The following SMURF1 variants were observed in gnomAD, a reference collection of about 807,000 sequenced individuals.
SMURF1 encodes SMAD specific E3 ubiquitin protein ligase 1.
In SMURF1, 44 loss-of-function variants were observed where a neutral mutation model predicts 98.0. That is an observed-to-expected ratio of 0.45 (90% confidence interval 0.35 to 0.58). The LOEUF is 0.58. SMURF1 is among the 20% of genes least tolerant of loss of function. The pLI is 0.00. For missense variants in SMURF1, 687 were observed against 938.4 expected (o/e 0.73, Z 3.50); for synonymous variants, 396 against 374.9 (o/e 1.06, Z -0.65).
At chr7:99,105,946 C>T (rs1797185524) in intron 1 of SMURF1, among the ~76,000 whole-genome samples, 1 of 152,166 alleles carries the variant, frequency 6.6e-6, no homozygotes, top group Non-Finnish European at 1.5e-5. Context: ...TTAAAATGCC[C>T]TCCCAATCCG....
chr7:99,041,840 A>T (rs1447367861), intron 12 of SMURF1, among the ~76,000 whole-genome samples: 1 of 152,262 alleles, frequency 6.6e-6, no homozygotes, highest in Non-Finnish European at 1.5e-5. Context: ...TCATCACACC[A>T]GAGTTCCCTC....
chr7:99,143,584 G>A, intron 1 of SMURF1, 142 bp downstream of exon 1: 2 of 619,652 alleles, frequency 3.2e-6, no homozygotes, highest in South Asian at 2.4e-5. Flanking sequence ...AGGGAGAAGC[G>A]AGGGGCGCAC....
intron 1 of SMURF1, among the ~76,000 whole-genome samples, chr7:99,069,633 TC>T (rs1265749478): frequency 6.6e-6 from 1 of 152,140 alleles, no homozygotes; most frequent in Non-Finnish European, 1.5e-5. Context: ...CTGTGCCACT[TC>T]CAAGGCCACT....
intron 10 of SMURF1, among the ~76,000 whole-genome samples, chr7:99,047,386 C>T (rs1225737547): frequency 6.6e-6 from 1 of 152,206 alleles, no homozygotes; most frequent in African/African-American, 2.4e-5. Flanking sequence ...GTATACACCT[C>T]TAGGTTTTCA....
chr7:99,036,298 CA>C, intron 15 of SMURF1: 1 of 157,580 alleles, frequency 6.3e-6, no homozygotes, highest in Non-Finnish European at 1.4e-5. Context: ...GGCAACATGG[CA>C]AAACCCCGTC....
chr7:99,060,347 C>T lies in SMURF1; in HGVS notation c.203+252G>A, dbSNP rs62472044. ...TGAGCTGAGATCACGCCACCGCACTCCAGCCTGGGTGACAGAGTGAGACTC... is the reference window on the plus strand; with the variant it reads ...TGAGCTGAGATCACGCCACCGCACTTCAGCCTGGGTGACAGAGTGAGACTC... On this transcript the variant is annotated intron_variant, in intron 3 of 17. Transcript: ENST00000361368. 0.07 allele frequency among the ~76,000 whole-genome samples: 10,309 copies of T among 146,732 alleles called. 527 individuals carry two copies. The highest frequency in any genetic ancestry group is 0.13 in the Middle Eastern group (37 of 276).
intron 8 of SMURF1, chr7:99,050,972 C>T (rs2150526058): frequency 6.4e-7 from 1 of 1,551,316 alleles, no homozygotes; most frequent in Non-Finnish European, 8.7e-7. Flanking sequence ...TGCATCTCCC[C>T]CAGGAATGGT....
In SMURF1 at chr7:99,060,650, G is replaced by A. The variant is rs1796012011; in HGVS notation, c.152C>T (p.Thr51Ile). The change falls in exon 3 of 18, where the codon ACC becomes ATC. Residue 51 changes from threonine (T) to isoleucine (I), a missense_variant. Thr to Ile is a moderately conservative substitution (Grantham distance 89, BLOSUM62 -1). Around this residue, in one of 2 missense-constraint regions of SMURF1, gnomAD observed 415 missense variants for 508.4 expected, o/e 0.82. Transcript: ENST00000361368. ...VVDGSGQCHSTDTVKNTLDPK... is the reference protein window; with the variant it reads ...VVDGSGQCHSIDTVKNTLDPK... ...GTCCAATGTGTTTTTCACAGTGTCG[G>A]TTGAGTGGCACTGCCCAGACCCATC... 1 of 1,613,872 alleles carries A rather than the reference G, an allele frequency of 6.2e-7. No individual in the cohort carries two copies. Among genetic ancestry groups the A allele is most frequent in the Non-Finnish European group, 8.5e-7 (1 of 1,180,006 alleles).
chr7:99,123,348 C>T (rs955977835), intron 1 of SMURF1, among the ~76,000 whole-genome samples: 3 of 152,068 alleles, frequency 2.0e-5, no homozygotes, highest in South Asian at 2.1e-4. Context: ...GCCTGGGCAA[C>T]ATTGTGAGAC....
chr7:99,121,875 C>T (rs1197749620), intron 1 of SMURF1, among the ~76,000 whole-genome samples: 3 of 152,188 alleles, frequency 2.0e-5, no homozygotes, highest in African/African-American at 7.2e-5. Flanking sequence ...ATTGTTCCAA[C>T]GAGCTGCCAA....
intron 1 of SMURF1, among the ~76,000 whole-genome samples, chr7:99,102,697 G>C (rs1797108971): frequency 6.6e-6 from 1 of 152,134 alleles, no homozygotes; most frequent in Admixed American, 6.5e-5. Flanking sequence ...ACTTAAATAA[G>C]TGGCTCTTTC....
intron 1 of SMURF1, among the ~76,000 whole-genome samples, chr7:99,074,413 A>G (rs1796404571): frequency 6.6e-6 from 1 of 152,210 alleles, no homozygotes; most frequent in South Asian, 2.1e-4. Flanking sequence ...TGCCAAGACA[A>G]TTCGATGATG....
intron 9 of SMURF1, 58 bp from the exon 10 acceptor site, chr7:99,047,940 C>A: frequency 6.6e-7 from 1 of 1,524,646 alleles, no homozygotes. Context: ...GAGCTGCAAG[C>A]ACCCACGTAC....
At chr7:99,096,281 C>T (rs1005558160) in intron 1 of SMURF1, among the ~76,000 whole-genome samples, 5 of 152,132 alleles carry the variant, frequency 3.3e-5, no homozygotes, top group East Asian at 1.9e-4. Context: ...AACCACAACC[C>T]GCAAAAGGCT....
chr7:99,041,995 T>C, intron 12 of SMURF1, 123 bp downstream of exon 12: 6 of 751,824 alleles, frequency 8.0e-6, no homozygotes, highest in Non-Finnish European at 1.4e-5. Context: ...CTCTCCATGT[T>C]TTGCTTACCA....
intron 3 of SMURF1, among the ~76,000 whole-genome samples, chr7:99,059,423 A>AAATAAAAT: frequency 8.4e-6 from 1 of 119,470 alleles, no homozygotes; most frequent in African/African-American, 3.0e-5. Flanking sequence ...AAAATAAAAT[A>AAATAAAAT]AAATAAAATA....
intron 17 of SMURF1, 95 bp from the exon 18 acceptor site, chr7:99,030,778 G>A (rs1794846121): frequency 3.4e-6 from 3 of 879,364 alleles, no homozygotes; most frequent in South Asian, 3.0e-5. Context: ...TATGTGGGAG[G>A]GGAGAGGAAT....
intron 6 of SMURF1, among the ~76,000 whole-genome samples, chr7:99,052,689 A>G (rs554185536): frequency 1.9e-4 from 29 of 152,342 alleles, no homozygotes; most frequent in African/African-American, 7.0e-4. Flanking sequence ...CAATTTCACC[A>G]TAGGGTAGAC....
chr7:99,088,688 G>A (rs544575066), intron 1 of SMURF1, among the ~76,000 whole-genome samples: 4 of 152,286 alleles, frequency 2.6e-5, no homozygotes, highest in Non-Finnish European at 5.9e-5. Flanking sequence ...TGGTTAGGAA[G>A]GTAGTTTGTT....
Sources: gnomAD v4.1 joint callset for allele counts (sites outside exome capture counted in the v4.1 genomes callset) on GRCh38, gnomAD v4.1.1 for gene constraint, gnomAD v4.1.1 regional missense constraint, MANE v1.5 for transcripts, NCBI Gene and HGNC (gene_info 2026-07-23, HGNC 2026-07-21) for gene names.